The following HVCN1 variants were observed in gnomAD, a reference collection of about 807,000 sequenced individuals.
HVCN1 encodes the protein hydrogen voltage gated channel 1.
A neutral mutation model predicts 29.2 loss-of-function variants in HVCN1; 14 were observed. That is an observed-to-expected ratio of 0.48 (90% CI 0.32 to 0.75). The LOEUF is 0.75. HVCN1 is among the 30% of genes least tolerant of loss of function. HVCN1 has a pLI of 0.04. For missense variants in HVCN1, 263 were observed against 341.8 expected, an observed-to-expected ratio of 0.77 and a Z score of 1.82; for synonymous variants, 131 against 133.2, an observed-to-expected ratio of 0.98 and a Z score of 0.11.
chr12:110,660,765 T>G (rs1312064272), intron 4 of HVCN1, among the ~76,000 whole-genome samples: 1 of 152,222 alleles, frequency 6.6e-6, no homozygotes, highest in East Asian at 1.9e-4. Flanking sequence ...TCTAGATGTT[T>G]TGTATCAATG....
chr12:110,666,488 C>G (rs566120848), intron 3 of HVCN1, among the ~76,000 whole-genome samples: 10 of 152,124 alleles, frequency 6.6e-5, no homozygotes, highest in African/African-American at 2.4e-4. Flanking sequence ...TAAAAAACAT[C>G]AACTGGAAAC....
At chr12:110,690,538 GCGATC>G (rs2069381214), upstream of HVCN1, among the ~76,000 whole-genome samples, 1 of 152,096 alleles carries the variant, frequency 6.6e-6, no homozygotes, top group Non-Finnish European at 1.5e-5. Context: ...GTGCAGTGGT[GCGATC>G]TTGGCTTACT....
chr12:110,663,928 C>CT (rs1438911912), intron 3 of HVCN1, among the ~76,000 whole-genome samples: 1 of 151,794 alleles, frequency 6.6e-6, no homozygotes, highest in Non-Finnish European at 1.5e-5. Flanking sequence ...ATTTTCTTTT[C>CT]TTTTTTTTAA....
intron 3 of HVCN1, among the ~76,000 whole-genome samples, chr12:110,665,440 C>T (rs1294437746): frequency 6.6e-6 from 1 of 151,588 alleles, no homozygotes; most frequent in Non-Finnish European, 1.5e-5. Flanking sequence ...TCTGTAATCC[C>T]AGCTACTTGG....
At chr12:110,692,347 G>A (rs1008534532), upstream of HVCN1, among the ~76,000 whole-genome samples, 1 of 152,214 alleles carries the variant, frequency 6.6e-6, no homozygotes, top group Non-Finnish European at 1.5e-5. Context: ...GCCCTTTCAA[G>A]GTACTAAGTA....
intron 4 of HVCN1, among the ~76,000 whole-genome samples, chr12:110,657,985 C>T (rs114594738): frequency 2.8e-4 from 43 of 152,264 alleles, no homozygotes; most frequent in African/African-American, 1.0e-3. Context: ...GTGGGGTGGG[C>T]CACATTTTCT....
chr12:110,681,861 C>A (rs1481913944), intron 3 of HVCN1, among the ~76,000 whole-genome samples: 3 of 152,078 alleles, frequency 2.0e-5, no homozygotes, highest in Admixed American at 6.6e-5. Flanking sequence ...TCTTCACAAC[C>A]AATGCCCCCC....
chr12:110,650,735 C>T (rs1010720242), intron 6 of HVCN1, among the ~76,000 whole-genome samples: 5 of 150,720 alleles, frequency 3.3e-5, no homozygotes, highest in African/African-American at 9.8e-5. Flanking sequence ...GGCTCTGTCA[C>T]CCAGGCTAGA....
At chr12:110,698,648 C>T (rs1012656092) in intron 2 of HVCN1, among the ~76,000 whole-genome samples, 2 of 152,154 alleles carry the variant, frequency 1.3e-5, no homozygotes, top group African/African-American at 4.8e-5. Context: ...CCAGGGGGAC[C>T]CGAGCACTGT....
intron 2 of HVCN1, among the ~76,000 whole-genome samples, chr12:110,684,229 T>C (rs1277778359): frequency 6.6e-6 from 1 of 152,162 alleles, no homozygotes; most frequent in Admixed American, 6.5e-5. Flanking sequence ...AATGATATAT[T>C]ATTAATTTTA....
At chr12:110,657,211 G>C (rs972852189) in intron 4 of HVCN1, among the ~76,000 whole-genome samples, 12 of 152,214 alleles carry the variant, frequency 7.9e-5, no homozygotes, top group Middle Eastern at 3.4e-3. Context: ...AAATGCTCTG[G>C]GGCCGGACAC....
intron 5 of HVCN1, among the ~76,000 whole-genome samples, chr12:110,652,590 T>G (rs2067847855): frequency 6.6e-6 from 1 of 151,990 alleles, no homozygotes; most frequent in South Asian, 2.1e-4. Context: ...AATCTGAACA[T>G]TGAAAAGAAT....
intron 4 of HVCN1, among the ~76,000 whole-genome samples, chr12:110,656,632 C>T (rs2068001175): frequency 6.6e-6 from 1 of 152,160 alleles, no homozygotes; most frequent in Admixed American, 6.5e-5. Context: ...AGATTCTGGC[C>T]TCTGAAAATT....
chr12:110,659,708 C>T (rs2068100137), intron 4 of HVCN1, among the ~76,000 whole-genome samples: 1 of 152,094 alleles, frequency 6.6e-6, no homozygotes. Context: ...CACTTGAGGC[C>T]AGGAATTCGA....
chr12:110,675,774 T>C (rs2068733801), intron 3 of HVCN1, among the ~76,000 whole-genome samples: 1 of 151,800 alleles, frequency 6.6e-6, no homozygotes, highest in African/African-American at 2.4e-5. Context: ...GGGGTGGTGG[T>C]GGTGCATGCC....
At chr12:110,692,926 C>T (rs1180410803), upstream of HVCN1, among the ~76,000 whole-genome samples, 1 of 152,112 alleles carries the variant, frequency 6.6e-6, no homozygotes, top group South Asian at 2.1e-4. Flanking sequence ...AATGCAGTGG[C>T]TCGAGCACAG....
At chr12:110,685,536 T>C (rs1380721199) in intron 2 of HVCN1, among the ~76,000 whole-genome samples, 4 of 152,208 alleles carry the variant, frequency 2.6e-5, no homozygotes, top group Non-Finnish European at 5.9e-5. Flanking sequence ...CAGTGTGTCC[T>C]GTATGAAGTG....
chr12:110,672,193 G>A (rs771981565), intron 3 of HVCN1, among the ~76,000 whole-genome samples: 9 of 152,054 alleles, frequency 5.9e-5, no homozygotes, highest in African/African-American at 1.7e-4. Context: ...GAGTGCAGCC[G>A]CAAACTCCTG....
At chr12:110,693,396 T>C (rs528791204), upstream of HVCN1, among the ~76,000 whole-genome samples, 62 of 152,014 alleles carry the variant, frequency 4.1e-4, no homozygotes, top group African/African-American at 1.5e-3. Context: ...AATACAAAAT[T>C]AGCCGGGTGT....
Sources: gnomAD v4.1 joint callset for allele counts (sites outside exome capture counted in the v4.1 genomes callset) on GRCh38, gnomAD v4.1.1 for gene constraint, MANE v1.5 for transcripts, NCBI Gene and HGNC (gene_info 2026-07-23, HGNC 2026-07-21) for gene names.